Variants in NAV2 observed in about 807,000 individuals in gnomAD.
NAV2 encodes the protein helicase, APC down-regulated 1.
In NAV2, 54 loss-of-function variants were observed where a neutral mutation model predicts 223.2. The ratio of observed to expected loss-of-function variants is 0.24; its 90% CI spans 0.19 to 0.30. The LOEUF (loss-of-function observed/expected upper bound fraction) is 0.30. Ranked by LOEUF, NAV2 falls within the 10% of genes least tolerant of loss-of-function variation. The pLI, the probability that NAV2 is intolerant of heterozygous loss-of-function variation, is 1.00. For synonymous variants in NAV2, 1,279 were observed against 1,239.3 expected (o/e 1.03, Z -0.67); for missense variants, 2,806 against 3,147.5 (o/e 0.89, Z 2.60).
At chr11:19,975,508 T>C (rs916989967) in intron 10 of NAV2, among the ~76,000 whole-genome samples, 7 of 152,186 alleles carry the variant, frequency 4.6e-5, no homozygotes, top group African/African-American at 1.7e-4. Context: ...AGATGGAATT[T>C]TATTAAACTT....
chr11:19,945,097 TC>T (rs2046790030), intron 8 of NAV2, among the ~76,000 whole-genome samples: 1 of 126,098 alleles, frequency 7.9e-6, no homozygotes, highest in African/African-American at 2.6e-5. Flanking sequence ...TTTCTTCTCT[TC>T]TCTTCTTTCT....
chr11:19,465,038 G>T (rs1459422080), intron 1 of NAV2, among the ~76,000 whole-genome samples: 2 of 152,216 alleles, frequency 1.3e-5, no homozygotes. Flanking sequence ...GCACTGTTTT[G>T]AAGGGGCTCC....
At chr11:20,104,069 C>A (rs549065004) in intron 34 of NAV2, 1 of 284,832 alleles carries the variant, frequency 3.5e-6, no homozygotes, top group African/African-American at 2.2e-5. Flanking sequence ...GACCCTGCTG[C>A]CCTGCTTGTT....
chr11:20,001,261 T>G (rs941185573), intron 11 of NAV2, among the ~76,000 whole-genome samples: 3 of 152,204 alleles, frequency 2.0e-5, no homozygotes, highest in African/African-American at 4.8e-5. Context: ...ATCTCAGGCC[T>G]AGTAAGTCCC....
chr11:19,937,359 C>G (rs1030777039), intron 7 of NAV2, among the ~76,000 whole-genome samples: 17 of 151,446 alleles, frequency 1.1e-4, no homozygotes, highest in African/African-American at 3.4e-4. Context: ...GCTCCCCCCC[C>G]GCCCACCAAA....
chr11:19,818,612 C>G (rs776014422), intron 1 of NAV2, among the ~76,000 whole-genome samples: 16 of 152,066 alleles, frequency 1.1e-4, no homozygotes, highest in Non-Finnish European at 1.8e-4. Flanking sequence ...ACAATCAGCT[C>G]CAAAATTTAC....
chr11:19,929,224 G>A (rs2045087164), intron 6 of NAV2, among the ~76,000 whole-genome samples: 1 of 152,174 alleles, frequency 6.6e-6, no homozygotes, highest in Non-Finnish European at 1.5e-5. Flanking sequence ...CTGCACTGCA[G>A]CCTGGGTGAC....
intron 3 of NAV2, among the ~76,000 whole-genome samples, chr11:19,851,111 A>T (rs542813993): frequency 6.6e-6 from 1 of 152,198 alleles, no homozygotes; most frequent in South Asian, 2.1e-4. Context: ...TCTTCCTAAA[A>T]CTCTATGAGA....
intron 1 of NAV2, among the ~76,000 whole-genome samples, chr11:19,593,106 T>A (rs919380828): frequency 6.6e-6 from 1 of 152,024 alleles, no homozygotes; most frequent in African/African-American, 2.4e-5. Context: ...TCCACAAAGA[T>A]CTCCCTTGTG....
chr11:19,902,551 T>G (rs55798327), intron 6 of NAV2, among the ~76,000 whole-genome samples: 32,503 of 152,126 alleles, frequency 0.21, 3,680 homozygotes, highest in African/African-American at 0.29. Context: ...ATTTGATTAG[T>G]CTTGTCTCAG....
At chr11:19,978,965 T>C (rs1192958122) in intron 10 of NAV2, 1 of 152,236 alleles carries the variant, frequency 6.6e-6, no homozygotes, top group Admixed American at 6.5e-5. Context: ...ATGTTAGACT[T>C]GAAGTCTGGA....
intron 1 of NAV2, among the ~76,000 whole-genome samples, chr11:19,648,876 T>C (rs1590034372): frequency 6.6e-6 from 1 of 152,350 alleles, no homozygotes; most frequent in East Asian, 1.9e-4. Context: ...TTCTGCCACC[T>C]AGAAACAATT....
At chr11:19,790,076 C>T (rs2057412484) in intron 1 of NAV2, among the ~76,000 whole-genome samples, 1 of 152,132 alleles carries the variant, frequency 6.6e-6, no homozygotes, top group Admixed American at 6.6e-5. Flanking sequence ...GTAAATTGCC[C>T]AGGATTTCCC....
chr11:19,714,084 A>C, intron 1 of NAV2, 122 bp downstream of exon 1: 3 of 1,367,976 alleles, frequency 2.2e-6, no homozygotes, highest in Non-Finnish European at 3.0e-6. Context: ...GAAGGGAACC[A>C]TTCCCCTTAG....
chr11:19,725,523 C>A (rs2051161889), intron 1 of NAV2, among the ~76,000 whole-genome samples: 1 of 152,190 alleles, frequency 6.6e-6, no homozygotes, highest in Admixed American at 6.5e-5. Flanking sequence ...GAGAAGGACA[C>A]GATGTCCTGG....
chr11:19,832,421 G>A lies in NAV2; in HGVS notation c.268-63G>A, dbSNP rs984430947. 5.7e-5 allele frequency: 75 copies of A among 1,312,852 alleles called. No homozygotes were observed. The Admixed American group carries it at 1.2e-3, about 21-fold the overall frequency. The allele number at this position is 1,312,852 out of a possible 1,614,324, so 81.3% of individuals were successfully genotyped here. A position where few individuals can be genotyped will look rare whatever the true frequency, so the allele number is the denominator to read the frequency against. The stretch of plus-strand genomic sequence containing the variant: ...GGCCACTGTGCCGGCCCGAGCAGCT[G>A]CCTCAGACTCTGAGAGGGGATCCGA... On this transcript the variant is annotated intron_variant, in intron 1 of 37. Transcript: ENST00000349880.
chr11:19,691,494 G>A (rs1319611453), intron 1 of NAV2, among the ~76,000 whole-genome samples: 1 of 152,166 alleles, frequency 6.6e-6, no homozygotes, highest in African/African-American at 2.4e-5. Context: ...TAACTGCAGT[G>A]TAGTTCCAGG....
At chr11:19,547,665 G>A (rs1554961403) in intron 1 of NAV2, among the ~76,000 whole-genome samples, 7 of 152,122 alleles carry the variant, frequency 4.6e-5, no homozygotes, top group Non-Finnish European at 7.4e-5. Context: ...ATGGAAGGGA[G>A]TGGGGGCTGA....
rs1351901646 is a variant in NAV2 at position 19,948,693 on chromosome 11, C to T, written c.2258C>T (p.Thr753Ile). 9 of 1,574,480 alleles carry T rather than the reference C, an allele frequency of 5.7e-6. No individual in the cohort carries two copies. The highest frequency in any genetic ancestry group is 7.8e-6 in the Non-Finnish European group (9 of 1,155,000). The stretch of plus-strand genomic sequence containing the variant: ...AATCAGGTTGGTTTTGTTTCTAGCA[C>T]ATTGGAAACCACGTTTGACACCAAT... Reference protein sequence around the residue: ...SLRGTQVTHSTLETTFDTNVT... With the variant: ...SLRGTQVTHSILETTFDTNVT... The change falls in exon 10 of 38, where the codon ACA (threonine) becomes ATA (isoleucine). Residue 753 changes from threonine (T) to isoleucine (I), a missense_variant and splice_region_variant. Around this residue, in one of 4 missense-constraint regions of NAV2, gnomAD observed 1,167 missense variants for 1,180.5 expected, o/e 0.99. Transcript: ENST00000349880.
Sources: gnomAD v4.1 joint callset for allele counts (sites outside exome capture counted in the v4.1 genomes callset) on GRCh38, gnomAD v4.1.1 for gene constraint, gnomAD v4.1.1 regional missense constraint, MANE v1.5 for transcripts, NCBI Gene and HGNC (gene_info 2026-07-23, HGNC 2026-07-21) for gene names.